The following SELENOI variants were observed in gnomAD, a reference collection of about 807,000 sequenced individuals.
SELENOI encodes the protein selenoprotein I.
SELENOI carries 24 observed loss-of-function variants against 50.7 expected under a neutral mutation model. That is an observed-to-expected ratio of 0.47 (90% CI 0.34 to 0.67). SELENOI has a LOEUF of 0.67. Ranked by LOEUF, SELENOI falls within the 30% of genes least tolerant of loss-of-function variation. SELENOI has a pLI of 0.01. For missense variants in SELENOI, 352 were observed against 461.4 expected (o/e 0.76, Z 2.17); for synonymous variants, 155 against 170.2 (o/e 0.91, Z 0.70).
intron 1 of SELENOI, among the ~76,000 whole-genome samples, chr2:26,350,397 C>T (rs6546931): frequency 0.39 from 59,833 of 151,862 alleles, 13,239 homozygotes; most frequent in Non-Finnish European, 0.51. Context: ...CTTGCTTTGT[C>T]GCCCAGGCTG....
In SELENOI at chr2:26,386,496, C is replaced by T. The variant is rs771159061; in HGVS notation, c.1055C>T (p.Thr352Ile). The T allele has an allele frequency of 8.1e-6, 13 of 1,613,142 alleles. No homozygotes were observed. The highest frequency in any genetic ancestry group is 1.6e-4 in the Middle Eastern group (1 of 6,084). The change falls in exon 9 of 10, where the codon ACT becomes ATT. Residue 352 changes from threonine to isoleucine, a missense_variant. By Grantham distance (89) the Thr-to-Ile change is moderately conservative. Transcript: ENST00000260585. ...AGCATTCTCCTGTATACATTAACAA[C>T]TGCTTTTACTCTGGCCCACATCCAT... ...VESILLYTLT[T>I]AFTLAHIHYG...
Position 26,383,341 on chromosome 2 carries a change from T to A in SELENOI, c.725T>A (p.Phe242Tyr). ...ACTCTTCCAATGAGTTTATTAAACT[T>A]TTTCAGGTAAGTATTTTATTTTTTA... ...CVTLPMSLLN[F>Y]FRSYKNNTLK... The change falls in exon 7 of 10, where the codon TTT becomes TAT. Residue 242 changes from phenylalanine to tyrosine, a missense_variant. Transcript: ENST00000260585. 1 of 1,537,032 alleles carries A rather than the reference T, an allele frequency of 6.5e-7. No homozygotes were observed. The highest frequency in any genetic ancestry group is 8.8e-7 in the Non-Finnish European group (1 of 1,132,900).
Position 26,386,619 on chromosome 2 carries a change from G to C in SELENOI, c.1095+83G>C. On this transcript the variant is annotated intron_variant, in intron 9 of 9. Coordinates refer to ENST00000260585, the MANE Select transcript of SELENOI (RefSeq NM_033505.4). ...TGCCTCCGAGTAGAAAGGAGGCAATGGAAAATTTTAAAAAGAAAGTTGCTT... is the reference window on the plus strand; with the variant it reads ...TGCCTCCGAGTAGAAAGGAGGCAATCGAAAATTTTAAAAAGAAAGTTGCTT... 3.3e-6 allele frequency: 4 copies of C among 1,208,862 alleles called. No individual in the cohort carries two copies. The South Asian group carries it at 8.6e-5, about 26-fold the overall frequency. 74.9% of individuals were successfully genotyped at this position (1,208,862 alleles called of 1,614,324 possible).
At chr2:26,382,735 T>C (rs1677733289) in intron 6 of SELENOI, among the ~76,000 whole-genome samples, 1 of 151,874 alleles carries the variant, frequency 6.6e-6, no homozygotes, top group African/African-American at 2.4e-5. Flanking sequence ...CTCATGCTTG[T>C]AGTCTCAGCT....
rs1678013562 is a variant in SELENOI at position 26,393,404 on chromosome 2, T to C, written c.*4301T>C. On this transcript the variant is annotated 3_prime_UTR_variant, in exon 10 of 10. Coordinates refer to ENST00000260585, the MANE Select transcript of SELENOI (RefSeq NM_033505.4). The stretch of plus-strand genomic sequence containing the variant: ...ATCTACTTTTTTTAAAGCAGGGATC[T>C]GCTCCCTATCTAGACAGATCTTTTA... 1 of 152,684 alleles carries C rather than the reference T, an allele frequency of 6.5e-6. No homozygotes were observed. Among genetic ancestry groups the C allele is most frequent in the Admixed American group, 6.5e-5 (1 of 15,286 alleles). The allele number at this position is 152,684 out of a possible 1,614,324, so 9.5% of individuals were successfully genotyped here. A position where few individuals can be genotyped will look rare whatever the true frequency, so the allele number is the denominator to read the frequency against.
At chr2:26,379,121 G>A (rs535389960) in intron 6 of SELENOI, among the ~76,000 whole-genome samples, 2 of 152,214 alleles carry the variant, frequency 1.3e-5, no homozygotes, top group Middle Eastern at 3.4e-3. Context: ...AAAATTAGCC[G>A]GGTGTGGTGG....
chr2:26,364,078 CTTTTT>C (rs59396679), intron 1 of SELENOI, among the ~76,000 whole-genome samples: 3 of 114,902 alleles, frequency 2.6e-5, no homozygotes, highest in Non-Finnish European at 3.5e-5. Context: ...CTTTCTCCCC[CTTTTT>C]TTTTTTTTTT....
intron 7 of SELENOI, among the ~76,000 whole-genome samples, chr2:26,383,763 A>G (rs1677761875): frequency 6.6e-6 from 1 of 152,076 alleles, no homozygotes; most frequent in Non-Finnish European, 1.5e-5. Flanking sequence ...AATGCTAGCT[A>G]CTCAGGAGGC....
At chr2:26,377,679 G>T (rs1040900423) in intron 6 of SELENOI, among the ~76,000 whole-genome samples, 2 of 151,750 alleles carry the variant, frequency 1.3e-5, no homozygotes, top group Non-Finnish European at 2.9e-5. Flanking sequence ...TTTCCATTTG[G>T]TTTTTAAACT....
rs986598796 is a variant in SELENOI at position 26,391,548 on chromosome 2, C to T, written c.*2445C>T. On this transcript the variant is annotated 3_prime_UTR_variant, in exon 10 of 10. Transcript: ENST00000260585. ...TTCATGCCCCAGCCTTTCTCCCCAG[C>T]ATACAGTGAGCTGCCTTTTGGGGAG... 6.6e-6 allele frequency: 1 copy of T among 152,214 alleles called. No homozygotes were observed. The highest frequency in any genetic ancestry group is 1.5e-5 in the Non-Finnish European group (1 of 68,050). The allele number at this position is 152,214 out of a possible 1,614,324, so 9.4% of individuals were successfully genotyped here.
At chr2:26,385,695 A>G (rs1677824087) in intron 8 of SELENOI, among the ~76,000 whole-genome samples, 1 of 152,254 alleles carries the variant, frequency 6.6e-6, no homozygotes. Context: ...CCTGAAAGCC[A>G]GAAGGTCTGT....
Position 26,389,127 on chromosome 2 carries a change from A to C in SELENOI, c.*24A>C. The C allele has an allele frequency of 6.7e-7, 1 of 1,491,966 alleles. No homozygotes were observed. The highest frequency in any genetic ancestry group is 9.2e-7 in the Non-Finnish European group (1 of 1,091,386). The allele number at this position is 1,491,966 out of a possible 1,614,324, so 92.4% of individuals were successfully genotyped here. On this transcript the variant is annotated 3_prime_UTR_variant, in exon 10 of 10. Transcript: ENST00000260585. ...AATAATCTTTCTTTGGGCACAAAGA[A>C]GTACTGTAAATAAATGCTTGTAAAT...
At chr2:26,361,723 G>A (rs1558413625) in intron 1 of SELENOI, among the ~76,000 whole-genome samples, 1 of 150,256 alleles carries the variant, frequency 6.7e-6, no homozygotes, top group East Asian at 2.0e-4. Flanking sequence ...GCACAATCTT[G>A]GCTCACTGCA....
rs972384436 is a variant in SELENOI at position 26,391,906 on chromosome 2, C to T, written c.*2803C>T. On this transcript the variant is annotated 3_prime_UTR_variant, in exon 10 of 10. Coordinates refer to ENST00000260585, the MANE Select transcript of SELENOI (RefSeq NM_033505.4). The stretch of plus-strand genomic sequence containing the variant: ...CACAGTTTACAGTGTCATTCTTCCA[C>T]GAATAGGTAATTGATAGAGTTTATG... The T allele has an allele frequency of 3.3e-5, 5 of 152,106 alleles. No individual in the cohort carries two copies. The highest frequency in any genetic ancestry group is 7.2e-5 in the African/African-American group (3 of 41,396). 9.4% of individuals were successfully genotyped at this position (152,106 alleles called of 1,614,324 possible).
chr2:26,349,059 A>G (rs1243660987), intron 1 of SELENOI, among the ~76,000 whole-genome samples: 2 of 114,928 alleles, frequency 1.7e-5, no homozygotes, highest in African/African-American at 3.2e-5. Flanking sequence ...CTTGTTGCCC[A>G]GGCTGGAGTG....
At chr2:26,371,851 G>T (rs1314274864) in intron 4 of SELENOI, among the ~76,000 whole-genome samples, 1 of 151,836 alleles carries the variant, frequency 6.6e-6, no homozygotes, top group Non-Finnish European at 1.5e-5. Context: ...GGAGACCATG[G>T]GGAGAGGGAA....
At chr2:26,365,890 C>G (rs1160028912) in intron 3 of SELENOI, among the ~76,000 whole-genome samples, 6 of 151,536 alleles carry the variant, frequency 4.0e-5, no homozygotes, top group Non-Finnish European at 8.8e-5. Context: ...AAACCTCTGC[C>G]TCCCAGGTTC....
chr2:26,372,333 A>G (rs1054456705), intron 4 of SELENOI, among the ~76,000 whole-genome samples: 1 of 151,630 alleles, frequency 6.6e-6, no homozygotes, highest in African/African-American at 2.4e-5. Flanking sequence ...CTGGTCTTGG[A>G]CTCCTAACCT....
chr2:26,367,937 T>G (rs141959956), intron 4 of SELENOI, among the ~76,000 whole-genome samples: 56 of 152,228 alleles, frequency 3.7e-4, no homozygotes, highest in Non-Finnish European at 6.8e-4. Context: ...TCTATTTACT[T>G]GCCTGCTTGT....
Sources: gnomAD v4.1 joint callset for allele counts (sites outside exome capture counted in the v4.1 genomes callset) on GRCh38, gnomAD v4.1.1 for gene constraint, MANE v1.5 for transcripts, NCBI Gene and HGNC (gene_info 2026-07-23, HGNC 2026-07-21) for gene names.